The following SEC31B variants were observed in gnomAD, a reference collection of about 807,000 sequenced individuals.
SEC31B encodes SEC31 homolog B, COPII component, also known as protein transport protein Sec31B.
SEC31B carries 113 observed loss-of-function variants against 135.0 expected under a neutral mutation model. The observed-to-expected ratio is 0.84, with a 90% CI of 0.72 to 0.98. The LOEUF is 0.98. Among genes scored for constraint, SEC31B ranks in the 50% least tolerant of loss-of-function variants. SEC31B has a pLI of 0.00. For synonymous variants in SEC31B, 508 were observed against 549.4 expected, an observed-to-expected ratio of 0.92 and a Z score of 1.05; for missense variants, 1,296 against 1,421.1, an observed-to-expected ratio of 0.91 and a Z score of 1.42.
rs369994206 is a variant in SEC31B, at chr10:100,497,294, G to T, written c.1991-14C>A. 191 of 1,610,970 alleles carry T rather than the reference G, an allele frequency of 1.2e-4. No individual in the cohort carries two copies. The highest frequency in any genetic ancestry group is 1.5e-4 in the Non-Finnish European group (182 of 1,177,534). ...TTCCCAGCATGTCTGCAGAGAGAGG[G>T]TAATTTCATTAATGGCACAGCTGCC... On this transcript the variant is annotated splice_polypyrimidine_tract_variant and intron_variant, in intron 16 of 25. Transcript: ENST00000370345.
intron 2 of SEC31B, 145 bp downstream of exon 2, chr10:100,516,729 T>A: frequency 2.4e-6 from 1 of 413,550 alleles, no homozygotes; most frequent in Non-Finnish European, 4.5e-6. Context: ...CCAAAACACC[T>A]AATATCTCCT....
At chr10:100,507,882 C>T in intron 6 of SEC31B, 26 bp downstream of exon 6, 1 of 1,614,110 alleles carries the variant, frequency 6.2e-7, no homozygotes, top group Non-Finnish European at 8.5e-7. Flanking sequence ...AGAGCCCAAG[C>T]CTGTGTTCTG....
intron 3 of SEC31B, among the ~76,000 whole-genome samples, chr10:100,514,122 T>G (rs191080805): frequency 0.011 from 1,596 of 151,934 alleles, 30 homozygotes; most frequent in African/African-American, 0.036. Context: ...GAGGTGGAGG[T>G]TGCAGTGAGC....
In SEC31B at chr10:100,497,826, G is replaced by T. The variant is rs377146788; in HGVS notation, c.1864-33C>A. ...GGGCAGAGAGGGAAAGAGACCATCA[G>T]CCATCCATCCAGCATAGGCAGCAGG... On this transcript the variant is annotated intron_variant, in intron 15 of 25. Transcript: ENST00000370345. 3 of 1,614,016 alleles carry T rather than the reference G, an allele frequency of 1.9e-6. No individual in the cohort carries two copies. The African/African-American group carries it at 4.0e-5, about 22-fold the overall frequency.
chr10:100,496,360 T>C lies in SEC31B; in HGVS notation c.2208A>G (p.Pro736=), dbSNP rs774811253. ...EQLRGPHGVS[P]GPATTYRVTQ... is the part of the protein sequence containing the mutation. ...TGACCCTGTAGGTTGTGGCAGGGCC[T>C]GGGCTCACCCCATGAGGACCCCGCA... is the stretch of plus-strand genomic sequence containing the variant. Residue 736 remains proline, a synonymous_variant, in exon 18 of 26, where the codon CCA becomes CCG. Coordinates refer to ENST00000370345, the MANE Select transcript of SEC31B (RefSeq NM_015490.4). 1 of 1,614,186 alleles carries C rather than the reference T, an allele frequency of 6.2e-7. No homozygotes were observed. Among genetic ancestry groups the C allele is most frequent in the South Asian group, 1.1e-5 (1 of 91,082 alleles).
intron 3 of SEC31B, 63 bp from the exon 4 acceptor site, chr10:100,509,574 G>T: frequency 7.4e-7 from 1 of 1,351,106 alleles, no homozygotes; most frequent in Non-Finnish European, 1.0e-6. Context: ...CACAGGATGG[G>T]CATCTCTGTC....
chr10:100,499,110 G>T (rs781278847), intron 13 of SEC31B, 50 bp downstream of exon 13: 16 of 1,469,468 alleles, frequency 1.1e-5, no homozygotes, highest in South Asian at 2.3e-5. Context: ...TGCCCAAAAG[G>T]CAGGTTTCCT....
chr10:100,495,182 G>C, intron 19 of SEC31B: 1 of 580,958 alleles, frequency 1.7e-6, no homozygotes, highest in South Asian at 1.9e-5. Context: ...CTACTTGAGG[G>C]CAAGTATCAC....
At chr10:100,503,357 A>C (rs1484698485) in intron 10 of SEC31B, among the ~76,000 whole-genome samples, 1 of 152,140 alleles carries the variant, frequency 6.6e-6, no homozygotes, top group Non-Finnish European at 1.5e-5. Context: ...ATACAATCAG[A>C]AACTCTGGGG....
intron 10 of SEC31B, among the ~76,000 whole-genome samples, chr10:100,502,821 CAA>C (rs1163998461): frequency 6.6e-6 from 1 of 152,214 alleles, no homozygotes; most frequent in African/African-American, 2.4e-5. Flanking sequence ...CAAGCAACGA[CAA>C]AGTCCTACCT....
chr10:100,495,816 T>C (rs1258270898), intron 18 of SEC31B, among the ~76,000 whole-genome samples: 3 of 152,178 alleles, frequency 2.0e-5, no homozygotes, highest in Non-Finnish European at 4.4e-5. Context: ...CACCCACGAC[T>C]GTATTCTGAC....
chr10:100,508,903 A>G, intron 5 of SEC31B, 104 bp downstream of exon 5: 1 of 870,244 alleles, frequency 1.1e-6, no homozygotes. Flanking sequence ...CTCCAGTGGT[A>G]AAGTTTGATA....
At chr10:100,494,138 G>A (rs1366782824) in intron 19 of SEC31B, among the ~76,000 whole-genome samples, 1 of 151,990 alleles carries the variant, frequency 6.6e-6, no homozygotes, top group Admixed American at 6.5e-5. Context: ...TTCTCCGGCA[G>A]CTCTAGCAAG....
chr10:100,512,879 A>T (rs561030491), intron 3 of SEC31B, among the ~76,000 whole-genome samples: 1 of 152,194 alleles, frequency 6.6e-6, no homozygotes, highest in Admixed American at 6.5e-5. Flanking sequence ...AAGTGAGGGA[A>T]CCTAAGATAA....
chr10:100,509,793 A>T (rs1851706908), intron 3 of SEC31B, among the ~76,000 whole-genome samples: 2 of 152,148 alleles, frequency 1.3e-5, no homozygotes, highest in South Asian at 4.1e-4. Context: ...TTTTTAAGTT[A>T]ACATTGGGGT....
rs757024530 is a variant in SEC31B at position 100,489,286 on chromosome 10, GCATGACTCACACT to G, written c.3124_3136del (p.Ser1042LeufsTer33). ...GAGTTCTCCTGGAACTCCTGGGGGA[GCATGACTCACACT>G]GGAGACAGGGGGCTGTGAGGGAAGA... On this transcript the variant is annotated frameshift_variant, in exon 23 of 26. Transcript: ENST00000370345. LOFTEE classifies it high-confidence loss of function. 12 of 1,612,406 alleles carry G rather than the reference GCATGACTCACACT, an allele frequency of 7.4e-6. No homozygotes were observed. In the South Asian group the frequency reaches 1.3e-4, roughly 18 times the overall value.
intron 12 of SEC31B, 104 bp downstream of exon 12, chr10:100,499,420 T>A (rs923896104): frequency 8.9e-7 from 1 of 1,117,478 alleles, no homozygotes; most frequent in Non-Finnish European, 1.3e-6. Context: ...TGCTCACATA[T>A]GCAATAATAA....
rs759093004 is a variant in SEC31B, at chr10:100,499,173, G to C, written c.1571C>G (p.Ala524Gly). 6.2e-6 allele frequency: 10 copies of C among 1,613,850 alleles called. No homozygotes were observed. Among genetic ancestry groups the C allele is most frequent in the Non-Finnish European group, 8.5e-6 (10 of 1,179,824 alleles). The stretch of plus-strand genomic sequence containing the variant: ...CTCCTACCACACCTGGCTGCAGAAG[G>C]CCTGTTGTCTGTCACTGTTGAGGTC... ...GNDLNSDRQQ[A>G]FCSQASKHTT... The change falls in exon 13 of 26, where the codon GCC (alanine) becomes GGC (glycine). Residue 524 changes from alanine to glycine, a missense_variant. Transcript: ENST00000370345.
intron 20 of SEC31B, 56 bp from the exon 21 acceptor site, chr10:100,490,378 CAG>C (rs1009610009): frequency 1.1e-5 from 16 of 1,512,306 alleles, no homozygotes; most frequent in Middle Eastern, 1.8e-4. Flanking sequence ...AGGAGCAACT[CAG>C]AGCATATCAG....
Sources: gnomAD v4.1 joint callset for allele counts (sites outside exome capture counted in the v4.1 genomes callset) on GRCh38, gnomAD v4.1.1 for gene constraint, MANE v1.5 for transcripts, NCBI Gene and HGNC (gene_info 2026-07-23, HGNC 2026-07-21) for gene names.